Variants in EMC2 observed in about 807,000 individuals in gnomAD.
EMC2 encodes TPR repeat protein 35.
In EMC2, 37 loss-of-function variants were observed where a neutral mutation model predicts 51.6. That is an observed-to-expected ratio of 0.72 (90% CI 0.55 to 0.94). EMC2 has a LOEUF of 0.94. Among genes scored for constraint, EMC2 ranks in the 40% least tolerant of loss-of-function variants. The probability of loss-of-function intolerance (pLI) is 0.00; values close to 1 mark genes in which losing one functional copy is unlikely to be tolerated. For synonymous variants in EMC2, 131 were observed against 112.4 expected, an observed-to-expected ratio of 1.17 and a Z score of -1.04; for missense variants, 359 against 350.9, an observed-to-expected ratio of 1.02 and a Z score of -0.18.
chr8:108,475,014 G>T (rs1810922452), intron 7 of EMC2: 1 of 152,018 alleles, frequency 6.6e-6, no homozygotes, highest in East Asian at 1.9e-4. Flanking sequence ...TAGTGTAAAG[G>T]TAGATCCCTT....
intron 5 of EMC2, among the ~76,000 whole-genome samples, chr8:108,466,445 T>G (rs943264626): frequency 6.3e-5 from 1 of 15,936 alleles, no homozygotes; most frequent in Non-Finnish European, 1.1e-4. Context: ...TGATAGAATT[T>G]TTTTTTTTTT....
At chr8:108,470,450 G>T (rs1171499667) in intron 7 of EMC2, among the ~76,000 whole-genome samples, 1 of 152,096 alleles carries the variant, frequency 6.6e-6, no homozygotes, top group Non-Finnish European at 1.5e-5. Flanking sequence ...TCAAAATTGT[G>T]AATTTTTAGA....
At chr8:108,455,571 C>T (rs1819130607) in intron 4 of EMC2, among the ~76,000 whole-genome samples, 1 of 152,098 alleles carries the variant, frequency 6.6e-6, no homozygotes, top group Admixed American at 6.6e-5. Flanking sequence ...GTTCTGTCTT[C>T]AACTTGTGTG....
At chr8:108,484,706 T>C (rs1050412791) in intron 10 of EMC2, among the ~76,000 whole-genome samples, 6 of 151,952 alleles carry the variant, frequency 3.9e-5, no homozygotes, top group African/African-American at 1.4e-4. Context: ...GAATTAGACC[T>C]TTAAGTATCT....
chr8:108,475,816 CAAGGTTT>C (rs1275242452), intron 7 of EMC2, 59 bp from the exon 8 acceptor site: 3 of 843,120 alleles, frequency 3.6e-6, no homozygotes, highest in Non-Finnish European at 5.8e-6. Context: ...TAAATTATTT[CAAGGTTT>C]AACTAAGATA....
intron 5 of EMC2, among the ~76,000 whole-genome samples, chr8:108,462,886 G>T (rs924253000): frequency 6.6e-6 from 1 of 151,500 alleles, no homozygotes; most frequent in African/African-American, 2.4e-5. Flanking sequence ...GATTACAGGA[G>T]TGAGAACATC....
chr8:108,459,717 A>AGT (rs1381813054), intron 5 of EMC2, among the ~76,000 whole-genome samples: 22 of 133,918 alleles, frequency 1.6e-4, no homozygotes, highest in African/African-American at 7.8e-4. Context: ...AGAGAGAGAG[A>AGT]GAGAGTGTGT....
chr8:108,486,075 C>T (rs1811132436), intron 10 of EMC2, among the ~76,000 whole-genome samples: 4 of 151,782 alleles, frequency 2.6e-5, no homozygotes, highest in Admixed American at 2.6e-4. Context: ...AGTGAAATAA[C>T]TTGTATTTGT....
intron 10 of EMC2, among the ~76,000 whole-genome samples, chr8:108,479,864 T>C (rs1811015665): frequency 6.6e-6 from 1 of 152,164 alleles, no homozygotes; most frequent in Admixed American, 6.6e-5. Flanking sequence ...CCTAAGTAGC[T>C]GGGACTTCAG....
intron 7 of EMC2, chr8:108,473,849 T>C (rs1329185602): frequency 6.6e-6 from 1 of 152,040 alleles, no homozygotes; most frequent in Non-Finnish European, 1.5e-5. Context: ...TTTAAGTAGA[T>C]TCAAATTATT....
intron 10 of EMC2, among the ~76,000 whole-genome samples, chr8:108,479,869 CT>C (rs1811015917): frequency 6.6e-6 from 1 of 152,116 alleles, no homozygotes; most frequent in Admixed American, 6.6e-5. Flanking sequence ...GTAGCTGGGA[CT>C]TCAGGTGCAG....
intron 1 of EMC2, among the ~76,000 whole-genome samples, chr8:108,444,216 T>G (rs1391622232): frequency 6.6e-6 from 1 of 152,206 alleles, no homozygotes; most frequent in Non-Finnish European, 1.5e-5. Context: ...GGTTTCCAGT[T>G]TCTTTTCCTT....
In EMC2 at chr8:108,486,702, A is replaced by G. The variant is rs1811148302; in HGVS notation, c.*104A>G. 1.7e-6 allele frequency: 2 copies of G among 1,165,296 alleles called. No individual in the cohort carries two copies. Among genetic ancestry groups the G allele is most frequent in the African/African-American group, 1.6e-5 (1 of 62,722 alleles). 72.2% of individuals were successfully genotyped at this position (1,165,296 alleles called of 1,614,324 possible). ...TCAGTGCTATTTATATACTACAGTAATTTTCTGTTAAGAAGGCAGTTGTAA... is the reference window on the plus strand; with the variant it reads ...TCAGTGCTATTTATATACTACAGTAGTTTTCTGTTAAGAAGGCAGTTGTAA... On this transcript the variant is annotated 3_prime_UTR_variant, in exon 11 of 11. Transcript: ENST00000220853.
chr8:108,472,701 A>G (rs1213733047), intron 7 of EMC2, among the ~76,000 whole-genome samples: 2 of 152,080 alleles, frequency 1.3e-5, no homozygotes, highest in Non-Finnish European at 1.5e-5. Flanking sequence ...TTTTGATGGA[A>G]TGTTAAATTA....
chr8:108,478,990 TTTTA>T lies in EMC2; in HGVS notation c.703-12_703-9del, dbSNP rs775508699. The T allele has an allele frequency of 7.3e-6, 11 of 1,502,542 alleles. No individual in the cohort carries two copies. Among genetic ancestry groups the T allele is most frequent in the Non-Finnish European group, 8.1e-6 (9 of 1,115,020 alleles). 93.1% of individuals were successfully genotyped at this position (1,502,542 alleles called of 1,614,324 possible). A position where few individuals can be genotyped will look rare whatever the true frequency, so the allele number is the denominator to read the frequency against. ...AAAAAAGGAATTTTGCTTTTGATGT[TTTTA>T]TTTGTTTTTAGTCGGCAAGTCATAT... On this transcript the variant is annotated splice_polypyrimidine_tract_variant and intron_variant, in intron 9 of 10. Coordinates refer to ENST00000220853, the MANE Select transcript of EMC2 (RefSeq NM_014673.5).
chr8:108,443,713 G>T lies in EMC2; in HGVS notation c.40+15G>T, dbSNP rs3737503. The T allele has an allele frequency of 6.2e-6, 10 of 1,603,230 alleles. No individual in the cohort carries two copies. In the African/African-American group the frequency reaches 1.2e-4, roughly 19 times the overall value. ...CACTTGGGAAGGTAACTTCGGGTGG[G>T]GGCGGGTGCGGAAAGACTAAAAGCG... On this transcript the variant is annotated intron_variant, in intron 1 of 10. Coordinates refer to ENST00000220853, the MANE Select transcript of EMC2 (RefSeq NM_014673.5).
At chr8:108,461,225 CTG>C (rs1382779338) in intron 5 of EMC2, among the ~76,000 whole-genome samples, 2 of 152,190 alleles carry the variant, frequency 1.3e-5, no homozygotes, top group Admixed American at 6.5e-5. Flanking sequence ...TCTTATGCCT[CTG>C]TGTTTCTGGA....
intron 1 of EMC2, among the ~76,000 whole-genome samples, chr8:108,449,597 T>G (rs954416914): frequency 6.6e-6 from 1 of 152,106 alleles, no homozygotes; most frequent in African/African-American, 2.4e-5. Flanking sequence ...AAGATAGTCA[T>G]AATACCAGTT....
At chr8:108,481,659 G>T (rs1167875762) in intron 10 of EMC2, among the ~76,000 whole-genome samples, 2 of 152,024 alleles carry the variant, frequency 1.3e-5, no homozygotes, top group African/African-American at 4.8e-5. Flanking sequence ...GCCTTTCAGT[G>T]ACTAATATAA....
Sources: allele counts gnomAD v4.1 joint callset (sites outside exome capture counted in the v4.1 genomes callset), GRCh38; gene constraint gnomAD v4.1.1; transcripts MANE v1.5; gene names NCBI Gene and HGNC (gene_info 2026-07-23, HGNC 2026-07-21).